The following CAPN14 variants were observed in gnomAD, a reference collection of about 807,000 sequenced individuals.
The protein encoded by CAPN14 is calpain-14.
In CAPN14, 94 loss-of-function variants were observed where a neutral mutation model predicts 101.3. That is an observed-to-expected ratio of 0.93 (90% CI 0.79 to 1.10). The LOEUF (loss-of-function observed/expected upper bound fraction) is 1.10. Among genes scored for constraint, CAPN14 ranks in the 50% least tolerant of loss-of-function variants. CAPN14 has a pLI of 0.00. For missense variants in CAPN14, 837 were observed against 828.4 expected (o/e 1.01, Z -0.13); for synonymous variants, 338 against 317.9 (o/e 1.06, Z -0.67).
At chr2:31,228,600 G>A (rs1227977894) in intron 1 of CAPN14, among the ~76,000 whole-genome samples, 2 of 152,162 alleles carry the variant, frequency 1.3e-5, no homozygotes, top group African/African-American at 2.4e-5. Flanking sequence ...AAATATTACA[G>A]CTATTAAATA....
rs1680192363 is a variant in CAPN14 at position 31,174,353 on chromosome 2, T to C, written c.*328A>G. ...GAGTTTGCAGCCACAGAGGCAGTGT[T>C]GTATGGAGGCTAACCACACCAGCTC... On this transcript the variant is annotated 3_prime_UTR_variant, in exon 22 of 22. Transcript: ENST00000403897. 2.1e-6 allele frequency: 1 copy of C among 465,706 alleles called. No individual in the cohort carries two copies. Among genetic ancestry groups the C allele is most frequent in the Non-Finnish European group, 3.9e-6 (1 of 258,470 alleles). The allele number at this position is 465,706 out of a possible 1,614,324, so 28.8% of individuals were successfully genotyped here. A position where few individuals can be genotyped will look rare whatever the true frequency, so the allele number is the denominator to read the frequency against.
intron 3 of CAPN14, 110 bp downstream of exon 3, chr2:31,202,960 C>G: frequency 1.1e-6 from 1 of 875,416 alleles, no homozygotes; most frequent in South Asian, 1.6e-5. Context: ...CATTTTGGGC[C>G]TCTCTCCAGT....
intron 11 of CAPN14, 90 bp downstream of exon 11, chr2:31,191,845 G>A (rs1681197913): frequency 1.6e-6 from 2 of 1,243,472 alleles, no homozygotes; most frequent in Admixed American, 5.7e-5. Context: ...AGAGACAGAT[G>A]GTGAAGAAGA....
intron 1 of CAPN14, among the ~76,000 whole-genome samples, chr2:31,210,308 C>A (rs545469564): frequency 2.0e-5 from 3 of 151,846 alleles, no homozygotes; most frequent in African/African-American, 7.3e-5. Context: ...ATTAGCCGGG[C>A]GTGGTGGCAG....
chr2:31,209,315 G>T (rs1682273019), intron 1 of CAPN14, among the ~76,000 whole-genome samples: 1 of 152,002 alleles, frequency 6.6e-6, no homozygotes, highest in Non-Finnish European at 1.5e-5. Context: ...AGAGAGTCAG[G>T]CTTTGATCTT....
In CAPN14 at chr2:31,208,663, G is replaced by A. The variant is rs529057617; in HGVS notation, c.-52-3164C>T. 9.6e-4 allele frequency among the ~76,000 whole-genome samples: 146 copies of A among 152,278 alleles called. 1 individual carries two copies. The highest frequency in any genetic ancestry group is 3.4e-3 in the African/African-American group (140 of 41,544). ...ATAGGCCCAGATGAAACCAGTTGGC[G>A]GTTCTTGCATGTTTCCTATATATTA... On this transcript the variant is annotated intron_variant, in intron 1 of 21. Coordinates refer to ENST00000403897, the MANE Select transcript of CAPN14 (RefSeq NM_001145122.2).
chr2:31,189,746 T>C (rs1038868153), intron 12 of CAPN14: 6 of 544,758 alleles, frequency 1.1e-5, no homozygotes, highest in African/African-American at 9.4e-5. Flanking sequence ...CAGCACTAAA[T>C]GATGTGAGGA....
chr2:31,181,398 T>TTTTTTTTCTTTCTTTC (rs1680596144), intron 16 of CAPN14, among the ~76,000 whole-genome samples: 1 of 134,980 alleles, frequency 7.4e-6, no homozygotes, highest in African/African-American at 2.9e-5. Context: ...TTCTTTCTTT[T>TTTTTTTTCTTTCTTTC]TTTCTTTCTT....
intron 1 of CAPN14, among the ~76,000 whole-genome samples, chr2:31,209,747 G>C (rs1682292229): frequency 6.6e-6 from 1 of 151,620 alleles, no homozygotes. Context: ...CAGGATGACA[G>C]GAGCCAGCTG....
At chr2:31,199,340 G>T in intron 7 of CAPN14, 130 bp downstream of exon 7, 1 of 786,058 alleles carries the variant, frequency 1.3e-6, no homozygotes. Flanking sequence ...AGATGCCGAG[G>T]CACAGGGACC....
chr2:31,233,710 A>C (rs941887883), intron 1 of CAPN14: 3 of 152,054 alleles, frequency 2.0e-5, no homozygotes, highest in Non-Finnish European at 4.4e-5. Context: ...GGGTAGTGAC[A>C]GTTTTGGTTA....
upstream of CAPN14, chr2:31,233,880 C>T (rs978924648): frequency 1.1e-4 from 16 of 152,376 alleles, no homozygotes; most frequent in African/African-American, 3.9e-4. Flanking sequence ...GTCCTCGCAG[C>T]CGTCCCTGAG....
intron 2 of CAPN14, among the ~76,000 whole-genome samples, chr2:31,225,943 T>C (rs912368233): frequency 6.6e-6 from 1 of 152,014 alleles, no homozygotes; most frequent in African/African-American, 2.4e-5. Flanking sequence ...CTAAGAAATT[T>C]TAAAAACATA....
chr2:31,212,875 G>A (rs543135985), intron 1 of CAPN14, among the ~76,000 whole-genome samples: 1 of 152,308 alleles, frequency 6.6e-6, no homozygotes, highest in South Asian at 2.1e-4. Flanking sequence ...CCTCCTGGGG[G>A]ATGATGGATT....
At chr2:31,226,662 C>T (rs1355659881) in intron 1 of CAPN14, 3 of 152,194 alleles carry the variant, frequency 2.0e-5, no homozygotes, top group African/African-American at 7.2e-5. Context: ...CTGGCAGGGA[C>T]AGACAGATAT....
chr2:31,185,584 C>G (rs1018203014), intron 16 of CAPN14, among the ~76,000 whole-genome samples: 3 of 152,190 alleles, frequency 2.0e-5, no homozygotes, highest in Admixed American at 1.3e-4. Context: ...GCCTAGAATT[C>G]TTTTTCAGCC....
At chr2:31,209,558 T>C (rs529087817) in intron 1 of CAPN14, among the ~76,000 whole-genome samples, 3 of 152,196 alleles carry the variant, frequency 2.0e-5, no homozygotes, top group Non-Finnish European at 2.9e-5. Context: ...AATCCCTGTA[T>C]ACAGGCAGGG....
intron 5 of CAPN14, among the ~76,000 whole-genome samples, chr2:31,201,123 ATGTG>A (rs1165954427): frequency 5.0e-5 from 6 of 120,524 alleles, no homozygotes; most frequent in South Asian, 2.7e-4. Context: ...GTGTGTGTGC[ATGTG>A]TGTATGTGTG....
At chr2:31,177,640 C>T in intron 19 of CAPN14, 106 bp downstream of exon 19, 1 of 793,238 alleles carries the variant, frequency 1.3e-6, no homozygotes, top group East Asian at 2.7e-5. Flanking sequence ...GAGAGTAACA[C>T]TGCGTATTAG....
Sources: allele counts gnomAD v4.1 joint callset (sites outside exome capture counted in the v4.1 genomes callset), GRCh38; gene constraint gnomAD v4.1.1; transcripts MANE v1.5; gene names NCBI Gene and HGNC (gene_info 2026-07-23, HGNC 2026-07-21).